The following NUBPL variants were observed in gnomAD, a reference collection of about 807,000 sequenced individuals.
The protein encoded by NUBPL is NUBP iron-sulfur cluster assembly factor, mitochondrial.
Under a neutral mutation model 45.7 loss-of-function variants are expected in NUBPL, and 31 were observed. The ratio of observed to expected loss-of-function variants is 0.68; its 90% confidence interval spans 0.51 to 0.92. The LOEUF is 0.92. Among genes scored for constraint, NUBPL ranks in the 40% least tolerant of loss-of-function variants. NUBPL has a pLI of 0.00. For missense variants in NUBPL, 401 were observed against 398.7 expected (o/e 1.01, Z -0.05); for synonymous variants, 144 against 140.9 (o/e 1.02, Z -0.15).
intron 4 of NUBPL, among the ~76,000 whole-genome samples, chr14:31,655,305 A>C (rs905181399): frequency 6.6e-6 from 1 of 152,196 alleles, no homozygotes; most frequent in African/African-American, 2.4e-5. Flanking sequence ...TTCTTGATCC[A>C]CAGGCTGCAG....
chr14:31,695,926 T>G (rs1001545764), intron 6 of NUBPL, among the ~76,000 whole-genome samples: 1 of 152,226 alleles, frequency 6.6e-6, no homozygotes. Context: ...TGGTTTCTAG[T>G]AATGCAGGTA....
Position 31,850,200 on chromosome 14 carries a change from A to G in NUBPL, c.896A>G (p.Glu299Gly). The G allele has an allele frequency of 1.2e-6, 2 of 1,611,406 alleles. No individual in the cohort carries two copies. The highest frequency in any genetic ancestry group is 1.7e-6 in the Non-Finnish European group (2 of 1,177,608). The change falls in exon 10 of 11, where the codon GAG becomes GGG. Residue 299 changes from glutamate to glycine, a missense_variant and splice_region_variant. Physicochemically the swap from Glu to Gly is moderately conservative, Grantham distance 98 (BLOSUM62 -2). Transcript: ENST00000281081. ...GTGTTTTCACAGCCTGAAAGTGATG[A>G]GGTAAGTTCCATTTTTGGATACATA... ...PIVFSQPESD[E>G]AKAYLRIAVE...
intron 6 of NUBPL, among the ~76,000 whole-genome samples, chr14:31,761,847 T>C (rs1388459277): frequency 6.6e-6 from 1 of 152,188 alleles, no homozygotes; most frequent in East Asian, 1.9e-4. Flanking sequence ...ATTTTGGATA[T>C]ATAGTTTCTG....
chr14:31,723,168 C>T (rs1566524037), intron 6 of NUBPL, among the ~76,000 whole-genome samples: 1 of 152,200 alleles, frequency 6.6e-6, no homozygotes, highest in Non-Finnish European at 1.5e-5. Flanking sequence ...TATGGCCAGC[C>T]AGTTATCCCA....
chr14:31,843,978 C>T (rs2040415344), intron 8 of NUBPL: 1 of 152,164 alleles, frequency 6.6e-6, no homozygotes, highest in Non-Finnish European at 1.5e-5. Context: ...TATGCTATTC[C>T]TTGTGTTTAG....
At chr14:31,674,759 T>A (rs2036652653) in intron 6 of NUBPL, among the ~76,000 whole-genome samples, 1 of 152,206 alleles carries the variant, frequency 6.6e-6, no homozygotes, top group Admixed American at 6.5e-5. Flanking sequence ...TCTCAAAAAA[T>A]ATTCAGGGAA....
chr14:31,637,101 C>T (rs527963971), intron 4 of NUBPL, among the ~76,000 whole-genome samples: 90 of 151,970 alleles, frequency 5.9e-4, no homozygotes, highest in Non-Finnish European at 1.0e-3. Context: ...AGTTCTGCTC[C>T]GATTTTAGTT....
At chr14:31,616,816 A>C (rs557745297) in intron 4 of NUBPL, among the ~76,000 whole-genome samples, 50 of 152,260 alleles carry the variant, frequency 3.3e-4, no homozygotes, top group African/African-American at 1.2e-3. Context: ...GAAGAAAGTC[A>C]ATGGTAGCTG....
At chr14:31,785,646 G>C (rs1299130437) in intron 6 of NUBPL, among the ~76,000 whole-genome samples, 1 of 152,062 alleles carries the variant, frequency 6.6e-6, no homozygotes, top group East Asian at 1.9e-4. Flanking sequence ...TTCCTGATTT[G>C]TTTGTCTGTC....
At chr14:31,667,338 A>C (rs564960770) in intron 4 of NUBPL, among the ~76,000 whole-genome samples, 1 of 151,760 alleles carries the variant, frequency 6.6e-6, no homozygotes, top group African/African-American at 2.4e-5. Context: ...CGCTTGATCA[A>C]TTCGACTATT....
At chr14:31,806,188 A>C (rs1426881972) in intron 7 of NUBPL, among the ~76,000 whole-genome samples, 3 of 152,222 alleles carry the variant, frequency 2.0e-5, no homozygotes, top group Non-Finnish European at 4.4e-5. Flanking sequence ...GTATTTGGAA[A>C]TAGATCAAAG....
intron 6 of NUBPL, among the ~76,000 whole-genome samples, chr14:31,705,195 G>T (rs1219628776): frequency 6.6e-6 from 1 of 152,186 alleles, no homozygotes; most frequent in Admixed American, 6.5e-5. Flanking sequence ...GTCCCTCCTG[G>T]TGGGTTCATG....
At chr14:31,733,177 A>G (rs1259895696) in intron 6 of NUBPL, among the ~76,000 whole-genome samples, 2 of 152,162 alleles carry the variant, frequency 1.3e-5, no homozygotes, top group Non-Finnish European at 2.9e-5. Flanking sequence ...ATGTTTATAT[A>G]TATAGATAGG....
At chr14:31,803,666 T>G (rs901119375) in intron 7 of NUBPL, among the ~76,000 whole-genome samples, 6 of 152,204 alleles carry the variant, frequency 3.9e-5, no homozygotes, top group African/African-American at 9.6e-5. Context: ...TAATAGATAC[T>G]TGGCAAGAGT....
At position 31,771,245 on chromosome 14, in the gene NUBPL, G is replaced by A. The variant is rs559744879; in HGVS notation, c.514-16535G>A. Among the ~76,000 whole-genome samples, 28 of 151,882 alleles carry A rather than the reference G, an allele frequency of 1.8e-4. 1 individual carries two copies. The South Asian group carries it at 5.2e-3, about 28-fold the overall frequency. On this transcript the variant is annotated intron_variant, in intron 6 of 10. Coordinates refer to ENST00000281081, the MANE Select transcript of NUBPL (RefSeq NM_025152.3). ...AGGATACTTGCTTTACAATACAAAAGACTCTCAAAGGATCATGTAAGGAAA... is the reference window on the plus strand; with the variant it reads ...AGGATACTTGCTTTACAATACAAAAAACTCTCAAAGGATCATGTAAGGAAA...
intron 8 of NUBPL, among the ~76,000 whole-genome samples, chr14:31,828,939 A>G (rs1253100272): frequency 1.3e-5 from 2 of 152,216 alleles, no homozygotes; most frequent in Non-Finnish European, 2.9e-5. Flanking sequence ...TGAAGGATAG[A>G]CGTTAAGGAT....
chr14:31,725,461 C>G (rs1006337968), intron 6 of NUBPL, among the ~76,000 whole-genome samples: 1 of 152,064 alleles, frequency 6.6e-6, no homozygotes, highest in East Asian at 1.9e-4. Context: ...GGAATACTTT[C>G]ATATACATAA....
chr14:31,626,632 C>T (rs1182134195), intron 4 of NUBPL, among the ~76,000 whole-genome samples: 3 of 152,144 alleles, frequency 2.0e-5, no homozygotes, highest in South Asian at 2.1e-4. Flanking sequence ...TTTTCTCTTG[C>T]CACTTCTTGC....
chr14:31,706,272 G>T (rs1301574863), intron 6 of NUBPL, among the ~76,000 whole-genome samples: 1 of 152,212 alleles, frequency 6.6e-6, no homozygotes, highest in Non-Finnish European at 1.5e-5. Context: ...CCTCCAGAGG[G>T]GAGCTCTTTA....
Sources: allele counts gnomAD v4.1 joint callset (sites outside exome capture counted in the v4.1 genomes callset), GRCh38; gene constraint gnomAD v4.1.1; transcripts MANE v1.5; gene names NCBI Gene and HGNC (gene_info 2026-07-23, HGNC 2026-07-21).